The following CA6 variants were observed in gnomAD, a reference collection of about 807,000 sequenced individuals.
CA6 encodes carbonate dehydratase VI.
Under a neutral mutation model 35.9 loss-of-function variants are expected in CA6, and 28 were observed. That is an observed-to-expected ratio of 0.78 (90% CI 0.58 to 1.07). The LOEUF is 1.07. Among genes scored for constraint, CA6 ranks in the 50% least tolerant of loss-of-function variants. The pLI is 0.00. For synonymous variants in CA6, 148 were observed against 152.6 expected (o/e 0.97, Z 0.22); for missense variants, 377 against 382.0 (o/e 0.99, Z 0.11).
intron 1 of CA6, among the ~76,000 whole-genome samples, chr1:8,947,826 C>T (rs949099335): frequency 5.3e-5 from 8 of 150,774 alleles, no homozygotes; most frequent in African/African-American, 1.7e-4. Flanking sequence ...AACCAAAAAG[C>T]GGTGAGGGCC....
In CA6 at chr1:8,974,605, AACTC is replaced by A; in HGVS notation, c.845-16_845-13del. Reference sequence around the variant, plus strand: ...GTACAAGGTTTAACCATTTCCGACTAACTCTTCTTTTTACAGAATACACTCTAGG... The same window carrying A: ...GTACAAGGTTTAACCATTTCCGACTATTCTTTTTACAGAATACACTCTAGG... On this transcript the variant is annotated splice_polypyrimidine_tract_variant and intron_variant, in intron 7 of 7. Coordinates refer to ENST00000377443, the MANE Select transcript of CA6 (RefSeq NM_001215.4). 1.3e-6 allele frequency: 2 copies of A among 1,576,808 alleles called. No homozygotes were observed. Among genetic ancestry groups the A allele is most frequent in the South Asian group, 2.2e-5 (2 of 89,338 alleles).
At chr1:8,947,013 A>G (rs1639383891) in intron 1 of CA6, among the ~76,000 whole-genome samples, 1 of 151,984 alleles carries the variant, frequency 6.6e-6, no homozygotes. Context: ...CACGTTGGCC[A>G]GGCTGTTCTC....
At chr1:8,946,310 G>T (rs1421808231) in intron 1 of CA6, among the ~76,000 whole-genome samples, 1 of 152,228 alleles carries the variant, frequency 6.6e-6, no homozygotes, top group Middle Eastern at 3.4e-3. Flanking sequence ...GGGATTACAG[G>T]CATGAGCCAT....
At position 8,949,281 on chromosome 1, in the gene CA6, C is replaced by T. The variant is rs1156562439; in HGVS notation, c.98C>T (p.Ala33Val). ...GTCTTAGAAGGGGCACTGGACGAAG[C>T]GCACTGGCCACAGCACTACCCCGCC... is the stretch of plus-strand genomic sequence containing the variant. ...WTYSEGALDE[A>V]HWPQHYPACG... Residue 33 changes from alanine to valine, a missense_variant, in exon 2 of 8, where the codon GCG becomes GTG. Ala to Val is a moderately conservative substitution (Grantham distance 64). Transcript: ENST00000377443. 8 of 1,602,768 alleles carry T rather than the reference C, an allele frequency of 5.0e-6. No homozygotes were observed. The Admixed American group carries it at 8.7e-5, about 17-fold the overall frequency.
intron 2 of CA6, chr1:8,951,873 G>A: frequency 4.1e-6 from 1 of 241,268 alleles, no homozygotes. Context: ...CGGCTGGAGT[G>A]CAGTGGTGCA....
chr1:8,961,851 G>A (rs1639850296), intron 4 of CA6, among the ~76,000 whole-genome samples: 1 of 152,152 alleles, frequency 6.6e-6, no homozygotes, highest in African/African-American at 2.4e-5. Context: ...TTGGACATCT[G>A]GCTCTCTGTC....
At chr1:8,974,571 G>T in intron 7 of CA6, 51 bp from the exon 8 acceptor site, 23 of 1,461,628 alleles carry the variant, frequency 1.6e-5, no homozygotes, top group Non-Finnish European at 2.2e-5. Flanking sequence ...CTCTGTTTTT[G>T]TGAGGACTGT....
At chr1:8,956,519 G>C (rs1639688415) in intron 2 of CA6, among the ~76,000 whole-genome samples, 5 of 152,068 alleles carry the variant, frequency 3.3e-5, no homozygotes. Context: ...AATTAGCCAG[G>C]CATGGTGGCG....
At chr1:8,960,743 AACACAC>A (rs113532929) in intron 4 of CA6, among the ~76,000 whole-genome samples, 2,572 of 109,046 alleles carry the variant, frequency 0.024, 43 homozygotes, top group Admixed American at 0.04. Flanking sequence ...CAAGTATAGC[AACACAC>A]ACACACACAC....
chr1:8,950,346 C>T (rs17032907), intron 2 of CA6, among the ~76,000 whole-genome samples: 25,765 of 151,908 alleles, frequency 0.17, 2,407 homozygotes, highest in East Asian at 0.38. Context: ...CAAGTTGGCT[C>T]GACTCCTCTG....
intron 2 of CA6, chr1:8,951,734 CCT>C: frequency 1.3e-6 from 1 of 748,568 alleles, no homozygotes. Flanking sequence ...GGTCCGGAAG[CCT>C]GTTCCTTTGG....
At chr1:8,945,993 C>T in intron 1 of CA6, 28 bp downstream of exon 1, 1 of 1,461,284 alleles carries the variant, frequency 6.8e-7, no homozygotes, top group Non-Finnish European at 9.6e-7. Context: ...GCATGCTCCC[C>T]CAGTTACCCT....
At position 8,967,741 on chromosome 1, in the gene CA6, A is replaced by G. The variant is rs771900182; in HGVS notation, c.654A>G (p.Ser218=). 2 of 1,613,602 alleles carry G rather than the reference A, an allele frequency of 1.2e-6. No individual in the cohort carries two copies. The highest frequency in any genetic ancestry group is 1.7e-6 in the Non-Finnish European group (2 of 1,179,826). ...AGCACTACTACACCTACCATGGCTC[A>G]CTCACCACGCCTCCCTGCACTGAGA... The part of the protein sequence containing the change: ...NLQHYYTYHG[S]LTTPPCTENV... Residue 218 remains serine, a synonymous_variant, in exon 6 of 8, where the codon TCA becomes TCG. Coordinates refer to ENST00000377443, the MANE Select transcript of CA6 (RefSeq NM_001215.4).
chr1:8,973,706 C>CTT (rs759769182), intron 7 of CA6, among the ~76,000 whole-genome samples: 1,618 of 113,014 alleles, frequency 0.014, 95 homozygotes, highest in African/African-American at 0.056. Flanking sequence ...ATTTTTCTTT[C>CTT]TCTCTCTTTC....
chr1:8,965,920 G>A (rs1639955648), intron 5 of CA6, among the ~76,000 whole-genome samples: 1 of 150,546 alleles, frequency 6.6e-6, no homozygotes, highest in African/African-American at 2.4e-5. Flanking sequence ...ATATTCCATT[G>A]TGTGGATATA....
At chr1:8,965,812 G>A (rs901886677) in intron 5 of CA6, among the ~76,000 whole-genome samples, 2 of 151,828 alleles carry the variant, frequency 1.3e-5, no homozygotes, top group Non-Finnish European at 2.9e-5. Flanking sequence ...GCTTGAACCC[G>A]GGAGGCAGAG....
intron 2 of CA6, among the ~76,000 whole-genome samples, chr1:8,956,035 C>T (rs1043420364): frequency 1.3e-5 from 2 of 151,856 alleles, no homozygotes; most frequent in African/African-American, 4.8e-5. Context: ...CCAGCCTGGC[C>T]AATATGGTGA....
rs1187713209 is a variant in CA6 at position 8,957,274 on chromosome 1, C to T, written c.397C>T (p.His133Tyr). ...GSEHTVDGIR[H>Y]VIEIHIVHYN... is the part of the protein sequence containing the mutation. The stretch of plus-strand genomic sequence containing the variant: ...TGAGCACACCGTGGACGGGATCAGA[C>T]ATGTGATCGAGGTACCTGAGGACCC... The change falls in exon 3 of 8, where the codon CAT becomes TAT. Residue 133 changes from histidine to tyrosine, a missense_variant. His to Tyr is a moderately conservative substitution (Grantham distance 83). Coordinates refer to ENST00000377443, the MANE Select transcript of CA6 (RefSeq NM_001215.4). 1.2e-6 allele frequency: 2 copies of T among 1,612,190 alleles called. No homozygotes were observed. The highest frequency in any genetic ancestry group is 1.1e-5 in the South Asian group (1 of 90,860).
At chr1:8,973,553 G>A (rs1438483555) in intron 7 of CA6, among the ~76,000 whole-genome samples, 1 of 151,972 alleles carries the variant, frequency 6.6e-6, no homozygotes, top group Non-Finnish European at 1.5e-5. Flanking sequence ...ACTAAGAATC[G>A]CTGTTTAGGA....
Sources: allele counts gnomAD v4.1 joint callset (sites outside exome capture counted in the v4.1 genomes callset), GRCh38; gene constraint gnomAD v4.1.1; transcripts MANE v1.5; gene names NCBI Gene and HGNC (gene_info 2026-07-23, HGNC 2026-07-21).